PDZRN4: variants seen among roughly 807,000 people sequenced by gnomAD.
PDZRN4 encodes the protein PDZ domain-containing RING finger protein 4.
A neutral mutation model predicts 99.0 loss-of-function variants in PDZRN4; 70 were observed. The ratio of observed to expected loss-of-function variants is 0.71; its 90% confidence interval spans 0.58 to 0.86. The LOEUF is 0.86. Among genes scored for constraint, PDZRN4 ranks in the 40% least tolerant of loss-of-function variants. PDZRN4 has a pLI of 0.00. For missense variants in PDZRN4, 1,474 were observed against 1,331.2 expected, an observed-to-expected ratio of 1.11 and a Z score of -1.67; for synonymous variants, 551 against 501.6, an observed-to-expected ratio of 1.10 and a Z score of -1.32.
At chr12:41,198,535 A>G (rs1043912758) in intron 3 of PDZRN4, among the ~76,000 whole-genome samples, 2 of 147,158 alleles carry the variant, frequency 1.4e-5, no homozygotes, top group African/African-American at 5.0e-5. Context: ...TCATAATGCA[A>G]TGCAGCATAA....
chr12:41,400,478 G>A (rs1952281748), intron 3 of PDZRN4, among the ~76,000 whole-genome samples: 1 of 152,172 alleles, frequency 6.6e-6, no homozygotes, highest in South Asian at 2.1e-4. Flanking sequence ...ATTTTGGGCA[G>A]AAGGCATACT....
intron 5 of PDZRN4, among the ~76,000 whole-genome samples, chr12:41,529,216 C>T (rs994732687): frequency 1.3e-5 from 2 of 148,372 alleles, no homozygotes; most frequent in African/African-American, 2.5e-5. Context: ...TGCATGTGCA[C>T]GTGTGTGTGT....
intron 3 of PDZRN4, among the ~76,000 whole-genome samples, chr12:41,285,940 T>C (rs1285972459): frequency 6.6e-6 from 1 of 152,084 alleles, no homozygotes; most frequent in Non-Finnish European, 1.5e-5. Flanking sequence ...CCATGGCACA[T>C]GTATACCTAC....
At position 41,434,337 on chromosome 12, in the gene PDZRN4, G is replaced by A. The variant is rs1000248078; in HGVS notation, c.844-72119G>A. ...ATTTGAAAAGGCTAATTTAAGGGCC[G>A]TGTAATTTTTCTGTCTCAGGTGGCA... On this transcript the variant is annotated intron_variant, in intron 3 of 9. Transcript: ENST00000402685. Among the ~76,000 whole-genome samples, 33 of 152,044 alleles carry A rather than the reference G, an allele frequency of 2.2e-4. 1 individual carries two copies. Among genetic ancestry groups the A allele is most frequent in the Admixed American group, 7.9e-4 (12 of 15,252 alleles).
chr12:41,515,458 G>T (rs535830286), intron 5 of PDZRN4, among the ~76,000 whole-genome samples: 1 of 152,054 alleles, frequency 6.6e-6, no homozygotes, highest in South Asian at 2.1e-4. Context: ...CTTCATAAGT[G>T]CCGTTCCTTT....
intron 3 of PDZRN4, among the ~76,000 whole-genome samples, chr12:41,467,952 T>C (rs778310551): frequency 2.6e-5 from 4 of 152,236 alleles, no homozygotes; most frequent in Non-Finnish European, 5.9e-5. Context: ...GCTGTAACTT[T>C]TGATAGTCTT....
At chr12:41,202,744 G>T (rs527732618) in intron 3 of PDZRN4, among the ~76,000 whole-genome samples, 8 of 152,028 alleles carry the variant, frequency 5.3e-5, no homozygotes, top group Non-Finnish European at 8.8e-5. Context: ...AAACAATTTT[G>T]TATTGCTGTA....
chr12:41,506,515 T>C lies in PDZRN4; in HGVS notation c.903T>C (p.Asn301=). 1 of 1,613,780 alleles carries C rather than the reference T, an allele frequency of 6.2e-7. No individual in the cohort carries two copies. Among genetic ancestry groups the C allele is most frequent in the Non-Finnish European group, 8.5e-7 (1 of 1,179,804 alleles). The change falls in exon 4 of 10, where the codon AAT becomes AAC. Residue 301 remains asparagine (N), a synonymous_variant. Transcript: ENST00000402685. ...AAGAGGCAGTGGAAGCTTTTCGCAA[T>C]GCCAAGGAGCCCATTGTGGTGCAGG... ...THEEAVEAFR[N]AKEPIVVQVL...
At chr12:41,244,286 G>A (rs1458646418) in intron 3 of PDZRN4, among the ~76,000 whole-genome samples, 3 of 152,084 alleles carry the variant, frequency 2.0e-5, no homozygotes, top group South Asian at 4.2e-4. Context: ...CCATTGTGTC[G>A]CTCTCCTAGA....
chr12:41,209,722 AC>A (rs1950875817), intron 3 of PDZRN4, among the ~76,000 whole-genome samples: 1 of 149,618 alleles, frequency 6.7e-6, no homozygotes, highest in Non-Finnish European at 1.5e-5. Context: ...TATATGTGCC[AC>A]ATTTTCTTAA....
intron 3 of PDZRN4, among the ~76,000 whole-genome samples, chr12:41,205,645 C>T (rs926585200): frequency 2.6e-5 from 4 of 151,946 alleles, no homozygotes; most frequent in Non-Finnish European, 4.4e-5. Context: ...GACAAGCCTC[C>T]TCTGTCTTTC....
At chr12:41,417,466 T>C (rs1952454580) in intron 3 of PDZRN4, among the ~76,000 whole-genome samples, 1 of 152,222 alleles carries the variant, frequency 6.6e-6, no homozygotes, top group African/African-American at 2.4e-5. Flanking sequence ...TATTTTAGTT[T>C]CACATTTCTC....
At chr12:41,532,717 G>GA (rs1938681790) in intron 5 of PDZRN4, among the ~76,000 whole-genome samples, 1 of 152,044 alleles carries the variant, frequency 6.6e-6, no homozygotes, top group African/African-American at 2.4e-5. Context: ...TATGACCTTG[G>GA]AAAAATCACT....
chr12:41,273,597 A>AT (rs1951330511), intron 3 of PDZRN4, among the ~76,000 whole-genome samples: 1 of 152,084 alleles, frequency 6.6e-6, no homozygotes, highest in Admixed American at 6.6e-5. Flanking sequence ...AAGTTTTGAC[A>AT]CTACTCTATA....
intron 3 of PDZRN4, among the ~76,000 whole-genome samples, chr12:41,357,633 C>T (rs1396147780): frequency 6.6e-6 from 1 of 151,888 alleles, no homozygotes; most frequent in Non-Finnish European, 1.5e-5. Context: ...TGGGCTTTAG[C>T]TTAAGCATGT....
chr12:41,245,937 G>A (rs1951131143), intron 3 of PDZRN4, among the ~76,000 whole-genome samples: 1 of 152,132 alleles, frequency 6.6e-6, no homozygotes, highest in African/African-American at 2.4e-5. Flanking sequence ...TGAGTTAGAG[G>A]GGTAGTCTGG....
At chr12:41,426,987 C>T (rs1321580724) in intron 3 of PDZRN4, among the ~76,000 whole-genome samples, 2 of 152,128 alleles carry the variant, frequency 1.3e-5, no homozygotes, top group Admixed American at 6.5e-5. Flanking sequence ...TACACACACC[C>T]CTAGTTAAGT....
intron 3 of PDZRN4, among the ~76,000 whole-genome samples, chr12:41,496,049 G>T (rs1202353101): frequency 1.3e-5 from 2 of 152,032 alleles, no homozygotes; most frequent in African/African-American, 4.8e-5. Flanking sequence ...GTAAGAGCAG[G>T]TGCCTTTCCT....
intron 3 of PDZRN4, among the ~76,000 whole-genome samples, chr12:41,306,263 C>T (rs568707352): frequency 2.0e-4 from 30 of 152,216 alleles, no homozygotes; most frequent in Non-Finnish European, 3.7e-4. Flanking sequence ...GGACTACACC[C>T]TCATGGCTCC....
Sources: allele counts gnomAD v4.1 joint callset (sites outside exome capture counted in the v4.1 genomes callset), GRCh38; gene constraint gnomAD v4.1.1; transcripts MANE v1.5; gene names NCBI Gene and HGNC (gene_info 2026-07-23, HGNC 2026-07-21).